ANGEL2: variants seen among roughly 807,000 people sequenced by gnomAD.
ANGEL2 encodes the protein RNA 2',3'-cyclic phosphatase ANGEL2.
In ANGEL2, 41 loss-of-function variants were observed where a neutral mutation model predicts 66.0. The observed-to-expected ratio is 0.62, with a 90% CI of 0.48 to 0.81. ANGEL2 has a LOEUF of 0.81. Among genes scored for constraint, ANGEL2 ranks in the 30% least tolerant of loss-of-function variants. The probability of loss-of-function intolerance (pLI) is 0.00; values close to 1 mark genes in which losing one functional copy is unlikely to be tolerated. For missense variants in ANGEL2, 561 were observed against 641.6 expected (o/e 0.87, Z 1.36); for synonymous variants, 208 against 226.5 (o/e 0.92, Z 0.73).
At position 212,996,114 on chromosome 1, in the gene ANGEL2, T is replaced by C. The variant is rs1402513349; in HGVS notation, c.1484-922A>G. 5.9e-5 allele frequency among the ~76,000 whole-genome samples: 9 copies of C among 152,068 alleles called. No homozygotes were observed. In the East Asian group the frequency reaches 1.5e-3, roughly 26 times the overall value. On this transcript the variant is annotated intron_variant, in intron 8 of 8. Coordinates refer to ENST00000366962, the MANE Select transcript of ANGEL2 (RefSeq NM_144567.5). ...TGAGGTCAGGAGATCGAGACCATCCTGGCCAACACGGTGAAATCCCGTCTC... is the reference window on the plus strand; with the variant it reads ...TGAGGTCAGGAGATCGAGACCATCCCGGCCAACACGGTGAAATCCCGTCTC...
At chr1:213,015,482 G>C in intron 1 of ANGEL2, 131 bp downstream of exon 1, 1 of 1,481,098 alleles carries the variant, frequency 6.8e-7, no homozygotes, top group African/African-American at 1.4e-5. Flanking sequence ...ATGCACCATC[G>C]CCCAGACCCT....
At chr1:213,015,523 C>T (rs2076621757) in intron 1 of ANGEL2, 90 bp downstream of exon 1, 3 of 1,413,838 alleles carry the variant, frequency 2.1e-6, no homozygotes, top group African/African-American at 2.9e-5. Flanking sequence ...TAGCCCGCCC[C>T]GCCCCGCCCC....
chr1:212,997,272 A>G lies in ANGEL2; in HGVS notation c.1366T>C (p.Ser456Pro). ...ATTCCAGTGTCAGGAAAGTAATGTG[A>G]ATAAACAGATGACAAACTGAAATGG... ...QHHFSLSSVY[S>P]HYFPDTGIPE... The change falls in exon 8 of 9, where the codon TCA becomes CCA. Residue 456 changes from serine (S) to proline (P), a missense_variant. Ser to Pro is a moderately conservative substitution (Grantham distance 74, BLOSUM62 -1). Transcript: ENST00000366962. The G allele has an allele frequency of 6.2e-7, 1 of 1,612,938 alleles. No homozygotes were observed. The highest frequency in any genetic ancestry group is 1.7e-5 in the Admixed American group (1 of 60,016).
intron 7 of ANGEL2, among the ~76,000 whole-genome samples, chr1:212,999,888 G>A (rs1420598259): frequency 6.6e-6 from 1 of 152,158 alleles, no homozygotes; most frequent in Admixed American, 6.5e-5. Flanking sequence ...GTAAATCAAA[G>A]ACAACTAAAG....
chr1:212,999,266 G>A (rs1029138270), intron 7 of ANGEL2, among the ~76,000 whole-genome samples: 3 of 151,594 alleles, frequency 2.0e-5, no homozygotes, highest in African/African-American at 7.3e-5. Flanking sequence ...CTCCCGCCCT[G>A]GCCTCCCAAA....
At chr1:213,011,299 C>A in intron 2 of ANGEL2, 2 of 1,275,636 alleles carry the variant, frequency 1.6e-6, no homozygotes, top group East Asian at 5.6e-5. Context: ...TTTTAGGGTG[C>A]CTAATTACAA....
chr1:212,994,892 T>C lies in ANGEL2; in HGVS notation c.*149A>G. 1.7e-6 allele frequency: 1 copy of C among 587,804 alleles called. No individual in the cohort carries two copies. The highest frequency in any genetic ancestry group is 2.5e-6 in the Non-Finnish European group (1 of 393,256). 36.4% of individuals were successfully genotyped at this position (587,804 alleles called of 1,614,324 possible). ...TAAAAAAAATTGTTATAAAGTTATT[T>C]CTTCTGATATGGAGTTTCAAAGCAT... On this transcript the variant is annotated 3_prime_UTR_variant, in exon 9 of 9. Coordinates refer to ENST00000366962, the MANE Select transcript of ANGEL2 (RefSeq NM_144567.5).
At position 212,993,926 on chromosome 1, in the gene ANGEL2, T is replaced by C. The variant is rs1250312087; in HGVS notation, c.*1115A>G. On this transcript the variant is annotated 3_prime_UTR_variant, in exon 9 of 9. Coordinates refer to ENST00000366962, the MANE Select transcript of ANGEL2 (RefSeq NM_144567.5). ...GACAAATTTCCTAATAAAATAAATT[T>C]CTATAGAACTGGTTCAGTAAAATAA... is the stretch of plus-strand genomic sequence containing the variant. The C allele has an allele frequency of 6.6e-6, 1 of 152,182 alleles. No homozygotes were observed. The highest frequency in any genetic ancestry group is 2.4e-5 in the African/African-American group (1 of 41,436). The allele number at this position is 152,182 out of a possible 1,614,324, so 9.4% of individuals were successfully genotyped here.
chr1:213,013,687 T>A (rs2076566716), intron 1 of ANGEL2, among the ~76,000 whole-genome samples: 1 of 152,184 alleles, frequency 6.6e-6, no homozygotes. Flanking sequence ...CCTGAAAATG[T>A]ACATAGTTCA....
At chr1:212,998,321 G>C (rs533810707) in intron 7 of ANGEL2, among the ~76,000 whole-genome samples, 7 of 151,884 alleles carry the variant, frequency 4.6e-5, no homozygotes, top group African/African-American at 1.7e-4. Flanking sequence ...AGAAAGGCTT[G>C]AGCCTGGGAG....
intron 2 of ANGEL2, 85 bp downstream of exon 2, chr1:213,013,008 G>GAGGTTTTAGGTTTAAAACCTTA: frequency 7.4e-7 from 1 of 1,351,562 alleles, no homozygotes; most frequent in Non-Finnish European, 1.0e-6. Flanking sequence ...TAAAACCTTA[G>GAGGTTTTAGGTTTAAAACCTTA]GAGGTTTAAA....
intron 8 of ANGEL2, among the ~76,000 whole-genome samples, chr1:212,996,642 T>A (rs57367173): frequency 0.044 from 3,295 of 74,440 alleles, 113 homozygotes; most frequent in African/African-American, 0.12. Context: ...AAAAAAAAAA[T>A]ATATATATAT....
intron 5 of ANGEL2, among the ~76,000 whole-genome samples, chr1:213,004,234 C>T (rs1343484996): frequency 6.6e-6 from 1 of 151,840 alleles, no homozygotes; most frequent in Non-Finnish European, 1.5e-5. Context: ...AACTATTACT[C>T]AAAACTCCAG....
rs1338522569 is a variant in ANGEL2, at chr1:212,993,003, C to T, written c.*2038G>A. ...GGAAATCCTAGAACTATAATTAATA[C>T]TGTAATTAAAATCCCCCCAAAGGCC... On this transcript the variant is annotated 3_prime_UTR_variant, in exon 9 of 9. Transcript: ENST00000366962. 1 of 152,112 alleles carries T rather than the reference C, an allele frequency of 6.6e-6. No individual in the cohort carries two copies. The highest frequency in any genetic ancestry group is 1.9e-4 in the East Asian group (1 of 5,194). 9.4% of individuals were successfully genotyped at this position (152,112 alleles called of 1,614,324 possible). A position where few individuals can be genotyped will look rare whatever the true frequency, so the allele number is the denominator to read the frequency against.
intron 1 of ANGEL2, 102 bp from the exon 2 acceptor site, chr1:213,013,520 A>T: frequency 9.1e-7 from 1 of 1,095,636 alleles, no homozygotes; most frequent in Non-Finnish European, 1.3e-6. Context: ...TCTAATATTT[A>T]AAATCTGGCT....
chr1:212,995,032 CAA>C lies in ANGEL2; in HGVS notation c.*7_*8del. ...ATTGGAAAGAAAATTAGTATGTGAT[CAA>C]AGAGAGTCAGAGCTCAAGTCTGAAC... On this transcript the variant is annotated 3_prime_UTR_variant, in exon 9 of 9. Coordinates refer to ENST00000366962, the MANE Select transcript of ANGEL2 (RefSeq NM_144567.5). 3 of 1,592,988 alleles carry C rather than the reference CAA, an allele frequency of 1.9e-6. No individual in the cohort carries two copies. The highest frequency in any genetic ancestry group is 2.6e-6 in the Non-Finnish European group (3 of 1,170,918).
chr1:213,000,648 GA>G (rs1429666962), intron 6 of ANGEL2, 137 bp downstream of exon 6: 28 of 1,018,932 alleles, frequency 2.7e-5, no homozygotes, highest in East Asian at 5.8e-5. Flanking sequence ...GAGGTCTTAA[GA>G]AAAAAAATGA....
At chr1:213,011,240 C>T in intron 2 of ANGEL2, 1 of 1,289,202 alleles carries the variant, frequency 7.8e-7, no homozygotes, top group African/African-American at 1.5e-5. Context: ...GTGATCACAG[C>T]AGAGAAGACA....
chr1:213,009,912 G>C (rs148045032), intron 2 of ANGEL2, among the ~76,000 whole-genome samples: 1 of 151,998 alleles, frequency 6.6e-6, no homozygotes, highest in South Asian at 2.1e-4. Context: ...TTAGTCGGGT[G>C]TGGTGGCATG....
Sources: gnomAD v4.1 joint callset for allele counts (sites outside exome capture counted in the v4.1 genomes callset) on GRCh38, gnomAD v4.1.1 for gene constraint, MANE v1.5 for transcripts, NCBI Gene and HGNC (gene_info 2026-07-23, HGNC 2026-07-21) for gene names.